Variants in TBC1D22A observed in about 807,000 individuals in gnomAD.
TBC1D22A encodes the protein putative GTPase activator.
TBC1D22A carries 38 observed loss-of-function variants against 60.2 expected under a neutral mutation model. That is an observed-to-expected ratio of 0.63 (90% CI 0.49 to 0.83). The LOEUF is 0.83. Among genes scored for constraint, TBC1D22A ranks in the 40% least tolerant of loss-of-function variants. The pLI, the probability that TBC1D22A is intolerant of heterozygous loss-of-function variation, is 0.00. For missense variants in TBC1D22A, 628 were observed against 701.0 expected (o/e 0.90, Z 1.18); for synonymous variants, 302 against 281.7 (o/e 1.07, Z -0.72).
At chr22:46,821,143 G>A (rs2085811640) in intron 4 of TBC1D22A, among the ~76,000 whole-genome samples, 1 of 150,486 alleles carries the variant, frequency 6.6e-6, no homozygotes, top group African/African-American at 2.5e-5. Flanking sequence ...TGTGTAAGAT[G>A]GGTCTCTTGA....
At chr22:47,044,024 T>C (rs1336355948) in intron 11 of TBC1D22A, among the ~76,000 whole-genome samples, 2 of 34,536 alleles carry the variant, frequency 5.8e-5, no homozygotes, top group African/African-American at 3.8e-4. Context: ...CCTTTTACCA[T>C]GGGTCCTCAT....
At chr22:47,130,808 A>C (rs2066653664) in intron 12 of TBC1D22A, among the ~76,000 whole-genome samples, 1 of 152,220 alleles carries the variant, frequency 6.6e-6, no homozygotes, top group Non-Finnish European at 1.5e-5. Context: ...ACCTACTAGA[A>C]GGTGGGCTTC....
chr22:46,893,604 G>A (rs6009026), intron 6 of TBC1D22A, among the ~76,000 whole-genome samples: 1 of 152,216 alleles, frequency 6.6e-6, no homozygotes, highest in Non-Finnish European at 1.5e-5. Context: ...GGACAGATGT[G>A]TGTCCACACG....
intron 10 of TBC1D22A, among the ~76,000 whole-genome samples, chr22:47,035,028 G>A (rs2062611062): frequency 6.6e-6 from 1 of 152,204 alleles, no homozygotes. Flanking sequence ...GGGCAGGGGA[G>A]ACAGGTGGGC....
At chr22:46,781,940 AG>A (rs1180978658) in intron 1 of TBC1D22A, among the ~76,000 whole-genome samples, 4 of 152,176 alleles carry the variant, frequency 2.6e-5, no homozygotes, top group Admixed American at 6.5e-5. Flanking sequence ...GTCCTCCTCA[AG>A]TTTGGGGGCG....
chr22:47,159,080 AC>A (rs2067841947), intron 12 of TBC1D22A, among the ~76,000 whole-genome samples: 1 of 150,876 alleles, frequency 6.6e-6, no homozygotes, highest in African/African-American at 2.4e-5. Context: ...CACACAACAC[AC>A]ACCATGTATA....
At chr22:46,974,610 T>C (rs1332222559) in intron 9 of TBC1D22A, among the ~76,000 whole-genome samples, 1 of 152,212 alleles carries the variant, frequency 6.6e-6, no homozygotes, top group African/African-American at 2.4e-5. Flanking sequence ...CGGTCACGTG[T>C]CCTGCTGAGG....
intron 12 of TBC1D22A, among the ~76,000 whole-genome samples, chr22:47,125,975 CTTTTTTT>C (rs753521017): frequency 1.3e-5 from 2 of 151,860 alleles, no homozygotes; most frequent in Admixed American, 6.5e-5. Flanking sequence ...ATGATGTTTC[CTTTTTTT>C]GTTTTTTGTT....
rs922511825 is a variant in TBC1D22A, at chr22:46,941,855, A to G, written c.1015+29667A>G. 2.7e-5 allele frequency among the ~76,000 whole-genome samples: 4 copies of G among 147,372 alleles called. No individual in the cohort carries two copies. The Admixed American group carries it at 2.7e-4, about 10-fold the overall frequency. On this transcript the variant is annotated intron_variant, in intron 8 of 12. Coordinates refer to ENST00000337137, the MANE Select transcript of TBC1D22A (RefSeq NM_014346.5). Reference sequence around the variant, plus strand: ...GAATAATAGAATATATGTATAGAATATGTATAGAATATATGTGTATAGAAT... The same window carrying G: ...GAATAATAGAATATATGTATAGAATGTGTATAGAATATATGTGTATAGAAT...
chr22:46,884,598 C>G (rs781434197), intron 5 of TBC1D22A, among the ~76,000 whole-genome samples: 1 of 152,200 alleles, frequency 6.6e-6, no homozygotes, highest in Non-Finnish European at 1.5e-5. Flanking sequence ...CCAGTCAACA[C>G]CCTGGGCTTG....
At chr22:47,002,447 A>G (rs141988423) in intron 10 of TBC1D22A, among the ~76,000 whole-genome samples, 3 of 152,348 alleles carry the variant, frequency 2.0e-5, no homozygotes, top group East Asian at 3.9e-4. Context: ...AGTGTCATGC[A>G]TCTTTTGTGA....
intron 8 of TBC1D22A, among the ~76,000 whole-genome samples, chr22:46,920,559 C>T (rs953712019): frequency 5.9e-5 from 9 of 152,004 alleles, no homozygotes; most frequent in African/African-American, 1.2e-4. Context: ...CCTGTTGTGC[C>T]TCTCCCAGGT....
At chr22:47,117,086 C>T (rs1024687006) in intron 12 of TBC1D22A, 2 of 153,506 alleles carry the variant, frequency 1.3e-5, no homozygotes, top group East Asian at 3.9e-4. Flanking sequence ...GATGGGGTGG[C>T]CTTCCCGTAA....
chr22:47,022,207 C>G (rs1304906862), intron 10 of TBC1D22A, among the ~76,000 whole-genome samples: 1 of 152,208 alleles, frequency 6.6e-6, no homozygotes, highest in Non-Finnish European at 1.5e-5. Flanking sequence ...ACACCCAGTG[C>G]TCTAGTTCAT....
chr22:47,138,761 C>T (rs2066972878), intron 12 of TBC1D22A, among the ~76,000 whole-genome samples: 1 of 152,300 alleles, frequency 6.6e-6, no homozygotes, highest in East Asian at 1.9e-4. Context: ...AATCAAGGCA[C>T]CGGCAGACCC....
intron 11 of TBC1D22A, among the ~76,000 whole-genome samples, chr22:47,046,939 A>G (rs2063053800): frequency 6.6e-6 from 1 of 152,218 alleles, no homozygotes; most frequent in South Asian, 2.1e-4. Flanking sequence ...GCCCCACTCC[A>G]GGCCACAAAG....
At chr22:46,788,538 A>T (rs897458554) in intron 1 of TBC1D22A, among the ~76,000 whole-genome samples, 2 of 152,096 alleles carry the variant, frequency 1.3e-5, no homozygotes, top group African/African-American at 2.4e-5. Flanking sequence ...TGTGTGTTTC[A>T]TTCCTTTGGT....
At chr22:46,857,701 C>T (rs948010516) in intron 4 of TBC1D22A, among the ~76,000 whole-genome samples, 1 of 152,044 alleles carries the variant, frequency 6.6e-6, no homozygotes, top group Non-Finnish European at 1.5e-5. Flanking sequence ...AATCTGCTTT[C>T]TGTCTCTGTG....
At chr22:47,128,907 C>T (rs773435768) in intron 12 of TBC1D22A, among the ~76,000 whole-genome samples, 25 of 152,230 alleles carry the variant, frequency 1.6e-4, no homozygotes, top group Non-Finnish European at 2.8e-4. Flanking sequence ...GGCAAAGAAA[C>T]AGGACCGTCA....
Sources: allele counts gnomAD v4.1 joint callset (sites outside exome capture counted in the v4.1 genomes callset), GRCh38; gene constraint gnomAD v4.1.1; transcripts MANE v1.5; gene names NCBI Gene and HGNC (gene_info 2026-07-23, HGNC 2026-07-21).